The following SLC26A5 variants were observed in gnomAD, a reference collection of about 807,000 sequenced individuals.
SLC26A5 encodes the protein prestin.
SLC26A5 carries 51 observed loss-of-function variants against 81.0 expected under a neutral mutation model. That is an observed-to-expected ratio of 0.63 (90% CI 0.50 to 0.80). The LOEUF is 0.80. SLC26A5 is among the 30% of genes least tolerant of loss of function. SLC26A5 has a pLI of 0.00. For synonymous variants in SLC26A5, 325 were observed against 332.8 expected (o/e 0.98, Z 0.25); for missense variants, 771 against 905.8 (o/e 0.85, Z 1.91).
At chr7:103,403,238 C>CGA (rs1823751726) in intron 8 of SLC26A5, among the ~76,000 whole-genome samples, 1 of 152,138 alleles carries the variant, frequency 6.6e-6, no homozygotes, top group Non-Finnish European at 1.5e-5. Flanking sequence ...GTCTGACAGA[C>CGA]TGTTTGTTAT....
chr7:103,411,698 G>C, intron 5 of SLC26A5, 112 bp from the exon 6 acceptor site: 1 of 1,188,906 alleles, frequency 8.4e-7, no homozygotes, highest in Non-Finnish European at 1.2e-6. Context: ...TTGAAGGAAG[G>C]CTACGCTCCC....
intron 2 of SLC26A5, among the ~76,000 whole-genome samples, chr7:103,441,242 C>A (rs1168445372): frequency 6.6e-6 from 1 of 152,140 alleles, no homozygotes; most frequent in East Asian, 1.9e-4. Flanking sequence ...ACCGATTTGA[C>A]AGTCACATAT....
At chr7:103,444,022 G>A (rs1007081100) in intron 1 of SLC26A5, among the ~76,000 whole-genome samples, 1 of 152,158 alleles carries the variant, frequency 6.6e-6, no homozygotes, top group African/African-American at 2.4e-5. Context: ...CAAGGGTGAA[G>A]GTGGGGAGAA....
intron 2 of SLC26A5, among the ~76,000 whole-genome samples, chr7:103,432,444 T>C (rs1439453101): frequency 6.6e-6 from 1 of 152,224 alleles, no homozygotes; most frequent in African/African-American, 2.4e-5. Context: ...GATAGTCTTC[T>C]CAGATTTAAC....
At chr7:103,400,735 A>G (rs1823522810) in intron 8 of SLC26A5, among the ~76,000 whole-genome samples, 1 of 152,104 alleles carries the variant, frequency 6.6e-6, no homozygotes, top group Non-Finnish European at 1.5e-5. Context: ...ATCTTGAGTT[A>G]ATTTTTGTAT....
At chr7:103,376,676 G>T in intron 19 of SLC26A5, 132 bp downstream of exon 19, 1 of 715,958 alleles carries the variant, frequency 1.4e-6, no homozygotes, top group Non-Finnish European at 2.3e-6. Flanking sequence ...TGGCTTTAGA[G>T]TGATTTTTCA....
At chr7:103,374,912 G>A (rs1225449768) in intron 19 of SLC26A5, among the ~76,000 whole-genome samples, 1 of 149,596 alleles carries the variant, frequency 6.7e-6, no homozygotes, top group Non-Finnish European at 1.5e-5. Context: ...GTTCTTCCAG[G>A]ATTTCTCTAT....
At chr7:103,403,852 G>A (rs1206950749) in intron 8 of SLC26A5, among the ~76,000 whole-genome samples, 1 of 152,114 alleles carries the variant, frequency 6.6e-6, no homozygotes, top group East Asian at 1.9e-4. Flanking sequence ...GTGTCTTTCA[G>A]TTGGGGCATT....
In SLC26A5 at chr7:103,374,401, A is replaced by G. The variant is rs958613587; in HGVS notation, c.2233T>C (p.Ter745GlnextTer6). 14 of 1,612,164 alleles carry G rather than the reference A, an allele frequency of 8.7e-6. No homozygotes were observed. The Admixed American group carries it at 1.3e-4, about 15-fold the overall frequency. ...PNATPATPEA[*>Q] ...CCATCCTAGGGTGAGGTCCTCATCTATGCCTCAGGAGTGGCAGGAGTGGCA... is the reference window on the plus strand; with the variant it reads ...CCATCCTAGGGTGAGGTCCTCATCTGTGCCTCAGGAGTGGCAGGAGTGGCA... Residue 745 changes from the stop codon to glutamine (Q), a stop_lost, in exon 20 of 20, where the codon TAG (stop) becomes CAG (glutamine). Coordinates refer to ENST00000306312, the MANE Select transcript of SLC26A5 (RefSeq NM_198999.3).
At chr7:103,382,589 A>T (rs571455035) in intron 14 of SLC26A5, among the ~76,000 whole-genome samples, 27 of 152,176 alleles carry the variant, frequency 1.8e-4, no homozygotes, top group African/African-American at 6.3e-4. Flanking sequence ...ACCTCAAGTC[A>T]TCTACCCACC....
Position 103,378,437 on chromosome 7 carries a change from A to G in SLC26A5, c.1785+9T>C. On this transcript the variant is annotated intron_variant, in intron 17 of 19. Coordinates refer to ENST00000306312, the MANE Select transcript of SLC26A5 (RefSeq NM_198999.3). ...CAGAACGGATTATTTCAATGAAAAG[A>G]CCACTCACTGCTTTGACAACAGTTG... is the stretch of plus-strand genomic sequence containing the variant. 6.2e-7 allele frequency: 1 copy of G among 1,611,996 alleles called. No homozygotes were observed. Among genetic ancestry groups the G allele is most frequent in the Non-Finnish European group, 8.5e-7 (1 of 1,178,044 alleles).
intron 2 of SLC26A5, among the ~76,000 whole-genome samples, chr7:103,427,312 A>G (rs995015987): frequency 6.6e-6 from 1 of 152,056 alleles, no homozygotes; most frequent in Non-Finnish European, 1.5e-5. Flanking sequence ...CTTGACCCTC[A>G]GGTGATTTGC....
chr7:103,441,999 T>A (rs1482963501), intron 2 of SLC26A5, among the ~76,000 whole-genome samples: 2 of 152,222 alleles, frequency 1.3e-5, no homozygotes, highest in African/African-American at 4.8e-5. Flanking sequence ...TGACACAATC[T>A]TAGAATCAGT....
chr7:103,368,035 G>A (rs370553048), intron 19 of SLC26A5: 3 of 1,613,196 alleles, frequency 1.9e-6, no homozygotes, highest in Middle Eastern at 1.7e-4. Flanking sequence ...GCTACTCCTC[G>A]TTACATGACA....
chr7:103,404,758 T>A (rs1823891419), intron 8 of SLC26A5, among the ~76,000 whole-genome samples: 1 of 152,202 alleles, frequency 6.6e-6, no homozygotes, highest in Non-Finnish European at 1.5e-5. Context: ...TTCTCCTGGA[T>A]AATGTCCTGA....
intron 2 of SLC26A5, among the ~76,000 whole-genome samples, chr7:103,427,268 G>C (rs1825770888): frequency 6.6e-6 from 1 of 151,930 alleles, no homozygotes; most frequent in Admixed American, 6.6e-5. Flanking sequence ...TAGAGATTGA[G>C]GTTTCCCCTT....
chr7:103,380,830 C>A (rs1397969424), intron 14 of SLC26A5, among the ~76,000 whole-genome samples: 1 of 151,604 alleles, frequency 6.6e-6, no homozygotes, highest in Non-Finnish European at 1.5e-5. Flanking sequence ...TCATACTACA[C>A]ATACACATCC....
At chr7:103,421,611 A>G (rs1428532719) in intron 2 of SLC26A5, 44 bp from the exon 3 acceptor site, 5 of 1,322,162 alleles carry the variant, frequency 3.8e-6, no homozygotes, top group East Asian at 4.7e-5. Flanking sequence ...CCAAAATCCT[A>G]CTGATGACTT....
chr7:103,378,407 C>A, intron 17 of SLC26A5, 39 bp downstream of exon 17: 2 of 1,581,022 alleles, frequency 1.3e-6, no homozygotes, highest in Non-Finnish European at 8.7e-7. Context: ...CATTGCAGAA[C>A]AAGACAGAAC....
Sources: gnomAD v4.1 joint callset for allele counts (sites outside exome capture counted in the v4.1 genomes callset) on GRCh38, gnomAD v4.1.1 for gene constraint, MANE v1.5 for transcripts, NCBI Gene and HGNC (gene_info 2026-07-23, HGNC 2026-07-21) for gene names.